Variants in ENY2 observed in about 807,000 individuals in gnomAD.
ENY2 encodes ENY2 transcription and export complex 2 subunit, also known as transcription and mRNA export factor ENY2.
Under a neutral mutation model 15.9 loss-of-function variants are expected in ENY2, and 4 were observed. The ratio of observed to expected loss-of-function variants is 0.25; its 90% CI spans 0.12 to 0.57. ENY2 has a LOEUF of 0.57. Among genes scored for constraint, ENY2 ranks in the 20% least tolerant of loss-of-function variants. The probability of loss-of-function intolerance (pLI) is 0.91; values close to 1 mark genes in which losing one functional copy is unlikely to be tolerated. For missense variants in ENY2, 54 were observed against 117.2 expected, an observed-to-expected ratio of 0.46 and a Z score of 2.49; for synonymous variants, 48 against 38.0, an observed-to-expected ratio of 1.26 and a Z score of -0.97.
rs1057179948 is a variant in ENY2, at chr8:109,339,201, G to A, written c.84-119G>A. ...GCATTTGAACCAAGATTAGGCCACA[G>A]TTAAAGTTTTGTAACTGGAAGGCAG... is the stretch of plus-strand genomic sequence containing the variant. On this transcript the variant is annotated intron_variant, in intron 2 of 4. Transcript: ENST00000521688. 1.2e-4 allele frequency: 103 copies of A among 825,272 alleles called. 1 individual carries two copies. In the South Asian group the frequency reaches 1.7e-3, roughly 13 times the overall value. The allele number at this position is 825,272 out of a possible 1,614,324, so 51.1% of individuals were successfully genotyped here.
chr8:109,334,566 G>C (rs190550298), intron 1 of ENY2, 92 bp downstream of exon 1: 218 of 1,465,424 alleles, frequency 1.5e-4, no homozygotes, highest in Admixed American at 1.1e-3. Flanking sequence ...CCCGACCCGC[G>C]CTCGCGGGCC....
rs1332720049 is a variant in ENY2, at chr8:109,343,651, T to G, written c.*170T>G. On this transcript the variant is annotated 3_prime_UTR_variant, in exon 5 of 5. Coordinates refer to ENST00000521688, the MANE Select transcript of ENY2 (RefSeq NM_020189.6). ...TCCCTAAATGTGTTATTTTAATAAA[T>G]ATCTCATGAATGAGTTTGAAGTTTG... 1.9e-6 allele frequency: 1 copy of G among 529,504 alleles called. No individual in the cohort carries two copies. Among genetic ancestry groups the G allele is most frequent in the African/African-American group, 2.0e-5 (1 of 50,582 alleles). The allele number at this position is 529,504 out of a possible 1,614,324, so 32.8% of individuals were successfully genotyped here. A position where few individuals can be genotyped will look rare whatever the true frequency, so the allele number is the denominator to read the frequency against.
At position 109,343,944 on chromosome 8, in the gene ENY2, CA is replaced by C. The variant is rs1450821522; in HGVS notation, c.*464del. On this transcript the variant is annotated 3_prime_UTR_variant, in exon 5 of 5. Coordinates refer to ENST00000521688, the MANE Select transcript of ENY2 (RefSeq NM_020189.6). ...TTGAGGGTTAGGACTGGGTCTTACT[CA>C]TCTTTATGTGCCTTCCTTATGCTTC... 6.6e-6 allele frequency: 1 copy of C among 152,416 alleles called. No homozygotes were observed. Among genetic ancestry groups the C allele is most frequent in the African/African-American group, 2.4e-5 (1 of 41,444 alleles). 9.4% of individuals were successfully genotyped at this position (152,416 alleles called of 1,614,324 possible).
chr8:109,343,650 A>G lies in ENY2; in HGVS notation c.*169A>G. On this transcript the variant is annotated 3_prime_UTR_variant, in exon 5 of 5. Transcript: ENST00000521688. The stretch of plus-strand genomic sequence containing the variant: ...TTCCCTAAATGTGTTATTTTAATAA[A>G]TATCTCATGAATGAGTTTGAAGTTT... The G allele has an allele frequency of 1.9e-6, 1 of 526,990 alleles. No homozygotes were observed. The highest frequency in any genetic ancestry group is 3.3e-6 in the Non-Finnish European group (1 of 306,468). The allele number at this position is 526,990 out of a possible 1,614,324, so 32.6% of individuals were successfully genotyped here. A position where few individuals can be genotyped will look rare whatever the true frequency, so the allele number is the denominator to read the frequency against.
At chr8:109,340,435 T>A in intron 3 of ENY2, 54 bp from the exon 4 acceptor site, 1 of 1,601,988 alleles carries the variant, frequency 6.2e-7, no homozygotes, top group Non-Finnish European at 8.5e-7. Context: ...ATGAAAATCT[T>A]TCTTACAGAT....
chr8:109,334,651 T>TC, intron 1 of ENY2, 177 bp downstream of exon 1: 1 of 634,344 alleles, frequency 1.6e-6, no homozygotes, highest in Non-Finnish European at 2.6e-6. Flanking sequence ...TGGCTCCTCC[T>TC]CTCCCGCCTC....
chr8:109,341,609 A>G (rs1258437195), intron 4 of ENY2, among the ~76,000 whole-genome samples: 1 of 152,172 alleles, frequency 6.6e-6, no homozygotes, highest in African/African-American at 2.4e-5. Context: ...TTCTCCTTCG[A>G]TACTTAAAAC....
intron 1 of ENY2, 181 bp from the exon 2 acceptor site, chr8:109,335,947 G>C (rs557597394): frequency 4.0e-6 from 2 of 497,456 alleles, no homozygotes; most frequent in East Asian, 3.1e-5. Context: ...AACCCACACT[G>C]CATTAGCCCA....
At chr8:109,335,836 C>T (rs1815966353) in intron 1 of ENY2, 1 of 213,492 alleles carries the variant, frequency 4.7e-6, no homozygotes, top group Non-Finnish European at 9.2e-6. Context: ...CTTTCTATCT[C>T]TGTGCCTCAG....
At chr8:109,336,509 A>G (rs1023514065) in intron 2 of ENY2, 25 of 233,738 alleles carry the variant, frequency 1.1e-4, no homozygotes, top group South Asian at 3.6e-4. Context: ...CAGGGAGACA[A>G]TGTTGTGGAA....
At chr8:109,338,163 T>C (rs1816032145) in intron 2 of ENY2, among the ~76,000 whole-genome samples, 1 of 152,098 alleles carries the variant, frequency 6.6e-6, no homozygotes, top group Non-Finnish European at 1.5e-5. Flanking sequence ...GGAGAAGAAC[T>C]AAGTGTACAA....
intron 2 of ENY2, among the ~76,000 whole-genome samples, chr8:109,337,112 C>G (rs142776380): frequency 1.4e-5 from 2 of 144,292 alleles, no homozygotes; most frequent in East Asian, 3.9e-4. Flanking sequence ...CACATTTACA[C>G]TTTAGGAATC....
intron 1 of ENY2, 167 bp downstream of exon 1, chr8:109,334,641 T>G (rs897507482): frequency 1.2e-5 from 9 of 720,624 alleles, no homozygotes; most frequent in Non-Finnish European, 2.0e-5. Flanking sequence ...CTTTGTTTTC[T>G]GGCTCCTCCT....
intron 3 of ENY2, 155 bp from the exon 4 acceptor site, chr8:109,340,334 G>A (rs1816086234): frequency 3.0e-6 from 3 of 1,002,220 alleles, no homozygotes; most frequent in African/African-American, 1.6e-5. Flanking sequence ...AAGAATACTT[G>A]ATGTGTTTGT....
At chr8:109,335,666 A>G (rs548676625) in intron 1 of ENY2, 1 of 152,456 alleles carries the variant, frequency 6.6e-6, no homozygotes, top group South Asian at 2.1e-4. Flanking sequence ...CGGCCTGGTA[A>G]TTTTATTTTT....
chr8:109,342,245 G>T (rs1816133800), intron 4 of ENY2, among the ~76,000 whole-genome samples: 1 of 146,500 alleles, frequency 6.8e-6, no homozygotes, highest in Non-Finnish European at 1.5e-5. Flanking sequence ...TATAACAGTT[G>T]TAATTTTTTG....
chr8:109,343,823 A>G lies in ENY2; in HGVS notation c.*342A>G, dbSNP rs1010835314. On this transcript the variant is annotated 3_prime_UTR_variant, in exon 5 of 5. Coordinates refer to ENST00000521688, the MANE Select transcript of ENY2 (RefSeq NM_020189.6). ...GAAGTAAGCAACCTTTTCTGACTGC[A>G]TATGGTGTATTCCTCTTTTGAGTCC... 2 of 183,244 alleles carry G rather than the reference A, an allele frequency of 1.1e-5. No homozygotes were observed. Among genetic ancestry groups the G allele is most frequent in the East Asian group, 1.5e-4 (1 of 6,704 alleles). 11.4% of individuals were successfully genotyped at this position (183,244 alleles called of 1,614,324 possible). A position where few individuals can be genotyped will look rare whatever the true frequency, so the allele number is the denominator to read the frequency against.
chr8:109,334,744 AG>A (rs1815919980), intron 1 of ENY2: 1 of 518,574 alleles, frequency 1.9e-6, no homozygotes, highest in Non-Finnish European at 3.4e-6. Flanking sequence ...TTTACCAGTG[AG>A]AAAACTGAGG....
intron 1 of ENY2, 85 bp downstream of exon 1, chr8:109,334,559 G>A: frequency 2.7e-6 from 4 of 1,492,296 alleles, no homozygotes; most frequent in Non-Finnish European, 3.6e-6. Flanking sequence ...TAGCGTCCCC[G>A]ACCCGCGCTC....
Sources: gnomAD v4.1 joint callset for allele counts (sites outside exome capture counted in the v4.1 genomes callset) on GRCh38, gnomAD v4.1.1 for gene constraint, MANE v1.5 for transcripts, NCBI Gene and HGNC (gene_info 2026-07-23, HGNC 2026-07-21) for gene names.